The following XKR6 variants were observed in gnomAD, a reference collection of about 807,000 sequenced individuals.
XKR6 encodes the protein XK related 6.
In XKR6, 22 loss-of-function variants were observed where a neutral mutation model predicts 56.7. That is an observed-to-expected ratio of 0.39 (90% CI 0.28 to 0.55). The LOEUF (loss-of-function observed/expected upper bound fraction) is 0.55, where lower values mean the gene tolerates loss of function less well. Among genes scored for constraint, XKR6 ranks in the 20% least tolerant of loss-of-function variants. XKR6 has a pLI of 0.66. For missense variants in XKR6, 852 were observed against 889.0 expected (o/e 0.96, Z 0.53); for synonymous variants, 524 against 387.8 (o/e 1.35, Z -4.13).
At chr8:11,047,541 G>A (rs1042235743) in intron 1 of XKR6, among the ~76,000 whole-genome samples, 6 of 152,120 alleles carry the variant, frequency 3.9e-5, no homozygotes, top group Non-Finnish European at 8.8e-5. Flanking sequence ...AATTCCACAT[G>A]ATTCCACATC....
chr8:11,057,335 G>C (rs1273661910), intron 1 of XKR6, among the ~76,000 whole-genome samples: 1 of 152,138 alleles, frequency 6.6e-6, no homozygotes, highest in Non-Finnish European at 1.5e-5. Context: ...ATGTAAGCTT[G>C]CATGAGAGGG....
At chr8:11,184,855 C>T (rs557829667) in intron 1 of XKR6, among the ~76,000 whole-genome samples, 17 of 152,166 alleles carry the variant, frequency 1.1e-4, no homozygotes, top group African/African-American at 3.4e-4. Context: ...TTCAGATCAT[C>T]TGAATCCATC....
intron 1 of XKR6, among the ~76,000 whole-genome samples, chr8:11,167,829 C>G (rs1331919564): frequency 6.7e-6 from 1 of 149,950 alleles, no homozygotes; most frequent in Non-Finnish European, 1.5e-5. Flanking sequence ...TGTCAAAACA[C>G]TACCAGGCTA....
At chr8:10,958,127 A>T (rs1021497335) in intron 1 of XKR6, among the ~76,000 whole-genome samples, 1 of 152,178 alleles carries the variant, frequency 6.6e-6, no homozygotes, top group South Asian at 2.1e-4. Context: ...AAATCTGAAC[A>T]GTTCTCATTG....
At position 11,001,018 on chromosome 8, in the gene XKR6, A is replaced by G. The variant is rs967286701; in HGVS notation, c.765-76188T>C. 6.6e-5 allele frequency among the ~76,000 whole-genome samples: 10 copies of G among 152,178 alleles called. No homozygotes were observed. The South Asian group carries it at 1.9e-3, about 28-fold the overall frequency. ...ATTCAGAAGGTGGACACCACCCCCA[A>G]CTGAAACAAACCTCAAGTATGAACT... is the stretch of plus-strand genomic sequence containing the variant. On this transcript the variant is annotated intron_variant, in intron 1 of 2. Transcript: ENST00000416569.
intron 1 of XKR6, among the ~76,000 whole-genome samples, chr8:11,186,321 C>T (rs1563203714): frequency 6.6e-6 from 1 of 152,136 alleles, no homozygotes; most frequent in Admixed American, 6.5e-5. Context: ...TAGGTATGGT[C>T]CACGGCTAGT....
chr8:11,134,764 A>G (rs1045871600), intron 1 of XKR6, among the ~76,000 whole-genome samples: 2 of 152,106 alleles, frequency 1.3e-5, no homozygotes, highest in Non-Finnish European at 2.9e-5. Flanking sequence ...GGACAATACT[A>G]TATTCACAAA....
At chr8:11,190,939 T>A (rs1275958930) in intron 1 of XKR6, among the ~76,000 whole-genome samples, 1 of 152,208 alleles carries the variant, frequency 6.6e-6, no homozygotes, top group East Asian at 1.9e-4. Context: ...TCCTCCTTAG[T>A]AATTTCTCTA....
At position 11,118,494 on chromosome 8, in the gene XKR6, T is replaced by C. The variant is rs147521070; in HGVS notation, c.764+82082A>G. Among the ~76,000 whole-genome samples the C allele has an allele frequency of 5.9e-3, 894 of 152,348 alleles. 14 individuals carry two copies. Among genetic ancestry groups the C allele is most frequent in the African/African-American group, 0.02 (843 of 41,582 alleles). ...ATTGCCTCAATTTCAGAGCCTGTTA[T>C]TGGTCTATTCAGAGATTCAACTTCT... On this transcript the variant is annotated intron_variant, in intron 1 of 2. Coordinates refer to ENST00000416569, the MANE Select transcript of XKR6 (RefSeq NM_173683.4).
chr8:11,107,030 G>C (rs987798120), intron 1 of XKR6, among the ~76,000 whole-genome samples: 2 of 151,944 alleles, frequency 1.3e-5, no homozygotes, highest in Middle Eastern at 3.4e-3. Context: ...CCCATCCCCA[G>C]AGCAAAACAT....
rs982627449 is a variant in XKR6, at chr8:11,103,566, G to A, written c.764+97010C>T. The stretch of plus-strand genomic sequence containing the variant: ...GCATGCTAATCCATTCTGTGATGTG[G>A]GTTTCTAAGGTCAAAATGGGGCTGT... On this transcript the variant is annotated intron_variant, in intron 1 of 2. Coordinates refer to ENST00000416569, the MANE Select transcript of XKR6 (RefSeq NM_173683.4). Among the ~76,000 whole-genome samples the A allele has an allele frequency of 3.3e-5, 5 of 152,254 alleles. No homozygotes were observed. The South Asian group carries it at 6.2e-4, about 19-fold the overall frequency.
chr8:11,059,709 G>A (rs1799783079), intron 1 of XKR6, among the ~76,000 whole-genome samples: 1 of 148,112 alleles, frequency 6.8e-6, no homozygotes, highest in African/African-American at 2.5e-5. Context: ...GCGCGTCTCT[G>A]TTCCCCGGCT....
intron 1 of XKR6, chr8:11,105,613 G>C (rs145248412): frequency 6.6e-6 from 1 of 152,186 alleles, no homozygotes; most frequent in African/African-American, 2.4e-5. Flanking sequence ...GTATTGATAC[G>C]ATCTTCTTCT....
intron 2 of XKR6, among the ~76,000 whole-genome samples, chr8:10,903,124 A>T (rs1219425881): frequency 6.6e-6 from 1 of 152,134 alleles, no homozygotes; most frequent in Non-Finnish European, 1.5e-5. Context: ...ATCGATGAAC[A>T]TGTCTTCAGC....
At chr8:10,983,958 C>CA (rs1399914698) in intron 1 of XKR6, among the ~76,000 whole-genome samples, 3 of 152,064 alleles carry the variant, frequency 2.0e-5, no homozygotes, top group Non-Finnish European at 2.9e-5. Context: ...CCCGGCCTTA[C>CA]ATATTCTTTT....
At chr8:11,013,096 A>G (rs1228925517) in intron 1 of XKR6, among the ~76,000 whole-genome samples, 2 of 152,210 alleles carry the variant, frequency 1.3e-5, no homozygotes, top group East Asian at 3.8e-4. Context: ...CCAAGCTCAG[A>G]TGAGAACAGG....
chr8:11,094,398 C>G (rs566012977), intron 1 of XKR6, among the ~76,000 whole-genome samples: 28 of 152,076 alleles, frequency 1.8e-4, no homozygotes, highest in Non-Finnish European at 3.8e-4. Context: ...CTATGTTGAC[C>G]AGACTGGTCT....
chr8:10,959,677 C>A (rs1802003516), intron 1 of XKR6, among the ~76,000 whole-genome samples: 1 of 152,126 alleles, frequency 6.6e-6, no homozygotes, highest in Non-Finnish European at 1.5e-5. Context: ...TTCCCAAAGG[C>A]CCCACCTAAC....
intron 1 of XKR6, chr8:11,136,935 A>G (rs1800431067): frequency 6.6e-6 from 1 of 152,246 alleles, no homozygotes; most frequent in South Asian, 2.1e-4. Flanking sequence ...TAAATTTTCT[A>G]CAATGACCCA....
Sources: gnomAD v4.1 joint callset for allele counts (sites outside exome capture counted in the v4.1 genomes callset) on GRCh38, gnomAD v4.1.1 for gene constraint, MANE v1.5 for transcripts, NCBI Gene and HGNC (gene_info 2026-07-23, HGNC 2026-07-21) for gene names.